Variants in AGBL1 observed in about 807,000 individuals in gnomAD.
AGBL1 encodes the protein cytosolic carboxypeptidase 4.
Under a neutral mutation model 118.9 loss-of-function variants are expected in AGBL1, and 130 were observed. That is an observed-to-expected ratio of 1.09 (90% CI 0.95 to 1.26). The LOEUF (loss-of-function observed/expected upper bound fraction) is 1.26, where lower values mean the gene tolerates loss of function less well. Among genes scored for constraint, AGBL1 ranks in the 50% most tolerant of loss-of-function variants. The pLI is 0.00. For synonymous variants in AGBL1, 555 were observed against 478.9 expected (o/e 1.16, Z -2.08); for missense variants, 1,584 against 1,298.1 (o/e 1.22, Z -3.38).
chr15:87,022,653 A>G (rs935652902), intron 24 of AGBL1, among the ~76,000 whole-genome samples: 1 of 152,086 alleles, frequency 6.6e-6, no homozygotes, highest in African/African-American at 2.4e-5. Context: ...GCACATTGTC[A>G]TCGGGTTATA....
intron 17 of AGBL1, among the ~76,000 whole-genome samples, chr15:86,337,268 C>T (rs771440093): frequency 9.2e-5 from 14 of 152,122 alleles, no homozygotes; most frequent in Non-Finnish European, 2.1e-4. Flanking sequence ...CAAACCTAGT[C>T]ACTCATGTTG....
At chr15:86,098,120 T>C (rs1221141283) in intron 1 of AGBL1, among the ~76,000 whole-genome samples, 1 of 152,228 alleles carries the variant, frequency 6.6e-6, no homozygotes, top group Non-Finnish European at 1.5e-5. Flanking sequence ...TGTCTTATTT[T>C]GAGGAATGTT....
chr15:86,421,216 A>G (rs1375610610), intron 18 of AGBL1, among the ~76,000 whole-genome samples: 1 of 152,198 alleles, frequency 6.6e-6, no homozygotes, highest in African/African-American at 2.4e-5. Context: ...CCAGAGAGAA[A>G]GGGCGGGTTA....
intron 5 of AGBL1, among the ~76,000 whole-genome samples, chr15:86,198,119 C>T (rs1160514685): frequency 6.6e-6 from 1 of 152,182 alleles, no homozygotes; most frequent in Non-Finnish European, 1.5e-5. Flanking sequence ...TATGCTCCAG[C>T]CTTAAAATCT....
chr15:86,599,779 C>T (rs1000658946), intron 21 of AGBL1, among the ~76,000 whole-genome samples: 6 of 152,060 alleles, frequency 3.9e-5, no homozygotes, highest in Non-Finnish European at 7.4e-5. Context: ...ATTCTATGCT[C>T]ATTCTGAACA....
At chr15:86,825,448 A>C (rs971419630) in intron 22 of AGBL1, among the ~76,000 whole-genome samples, 10 of 142,534 alleles carry the variant, frequency 7.0e-5, no homozygotes, top group African/African-American at 2.1e-4. Flanking sequence ...TATCTGGGAA[A>C]GAACTTTTAT....
intron 22 of AGBL1, among the ~76,000 whole-genome samples, chr15:86,872,391 A>G (rs913064576): frequency 3.3e-5 from 5 of 152,210 alleles, no homozygotes; most frequent in African/African-American, 1.2e-4. Context: ...TTCATAAATT[A>G]ATGTATTGAA....
intron 21 of AGBL1, among the ~76,000 whole-genome samples, chr15:86,595,071 A>G (rs2084387420): frequency 6.6e-6 from 1 of 152,032 alleles, no homozygotes; most frequent in East Asian, 1.9e-4. Flanking sequence ...TCTGGCTGCT[A>G]TTGTTTGATG....
chr15:86,271,043 AT>A (rs58166692), intron 14 of AGBL1, among the ~76,000 whole-genome samples: 249 of 89,050 alleles, frequency 2.8e-3, no homozygotes, highest in Non-Finnish European at 3.8e-3. Context: ...GTCACGTTGC[AT>A]TTTTTTTTTT....
intron 22 of AGBL1, among the ~76,000 whole-genome samples, chr15:86,718,539 G>T (rs1342304786): frequency 6.6e-6 from 1 of 151,776 alleles, no homozygotes; most frequent in Non-Finnish European, 1.5e-5. Context: ...GTAATAATAA[G>T]AAAAAAACCA....
intron 23 of AGBL1, among the ~76,000 whole-genome samples, chr15:86,984,434 G>A (rs1392897389): frequency 6.7e-6 from 1 of 149,052 alleles, no homozygotes; most frequent in Non-Finnish European, 1.5e-5. Flanking sequence ...GCGTGATCTC[G>A]GCTCACTGCA....
At chr15:86,082,743 G>A (rs1437532386) in intron 1 of AGBL1, among the ~76,000 whole-genome samples, 1 of 152,200 alleles carries the variant, frequency 6.6e-6, no homozygotes, top group East Asian at 1.9e-4. Flanking sequence ...CTGTCCCGAA[G>A]GTCTGAGAAT....
At chr15:86,082,922 C>A (rs4887263) in intron 1 of AGBL1, among the ~76,000 whole-genome samples, 132,603 of 152,232 alleles carry the variant, frequency 0.87, 57,831 homozygotes, top group Middle Eastern at 0.92. Flanking sequence ...GGCACTTACT[C>A]GGCTGTTTAT....
At position 86,998,684 on chromosome 15, in the gene AGBL1, G is replaced by A. The variant is rs1012504684; in HGVS notation, c.3323+10596G>A. On this transcript the variant is annotated intron_variant, in intron 24 of 24. Coordinates refer to the AGBL1 transcript ENST00000441037. ...GTACTCAACAAGGGAATGGGCAGCT[G>A]ATATACAGAATCTCATTTGGTTGTA... Among the ~76,000 whole-genome samples the A allele has an allele frequency of 3.3e-5, 5 of 152,152 alleles. 1 individual carries two copies. The highest frequency in any genetic ancestry group is 1.2e-4 in the African/African-American group (5 of 41,446).
intron 15 of AGBL1, among the ~76,000 whole-genome samples, chr15:86,277,306 GTGTGTGTGTGTA>G (rs1420640447): frequency 1.8e-5 from 2 of 109,024 alleles, no homozygotes; most frequent in African/African-American, 9.3e-5. Context: ...GTGTGTGCAT[GTGTGTGTGTGTA>G]TGTGTGTGTG....
At chr15:86,780,757 G>A (rs1053027248) in intron 22 of AGBL1, among the ~76,000 whole-genome samples, 21 of 150,596 alleles carry the variant, frequency 1.4e-4, no homozygotes, top group African/African-American at 2.9e-4. Flanking sequence ...TCCACCTCCC[G>A]GGTTCAAGCA....
intron 6 of AGBL1, among the ~76,000 whole-genome samples, chr15:86,233,811 T>C (rs1368614187): frequency 6.6e-6 from 1 of 152,180 alleles, no homozygotes; most frequent in Non-Finnish European, 1.5e-5. Flanking sequence ...CTAACAGACC[T>C]AATGAAACAA....
chr15:86,751,752 T>G (rs1336573785), intron 22 of AGBL1, among the ~76,000 whole-genome samples: 1 of 152,158 alleles, frequency 6.6e-6, no homozygotes, highest in Non-Finnish European at 1.5e-5. Context: ...TGCATATTTT[T>G]GGTCTGCTTA....
intron 21 of AGBL1, among the ~76,000 whole-genome samples, chr15:86,643,653 T>A (rs1417392075): frequency 6.6e-6 from 1 of 152,184 alleles, no homozygotes; most frequent in Non-Finnish European, 1.5e-5. Flanking sequence ...TTTTCAGTAA[T>A]TAGTTTGACA....
Sources: gnomAD v4.1 joint callset for allele counts (sites outside exome capture counted in the v4.1 genomes callset) on GRCh38, gnomAD v4.1.1 for gene constraint, MANE v1.5 for transcripts, NCBI Gene and HGNC (gene_info 2026-07-23, HGNC 2026-07-21) for gene names.